Variants in ZYG11B observed in about 807,000 individuals in gnomAD.
The protein encoded by ZYG11B is protein zyg-11 homolog B.
A neutral mutation model predicts 82.4 loss-of-function variants in ZYG11B; 36 were observed. The observed-to-expected ratio is 0.44, with a 90% CI of 0.33 to 0.58. ZYG11B has a LOEUF of 0.58. Among genes scored for constraint, ZYG11B ranks in the 20% least tolerant of loss-of-function variants. The pLI is 0.02. For synonymous variants in ZYG11B, 303 were observed against 312.8 expected, an observed-to-expected ratio of 0.97 and a Z score of 0.33; for missense variants, 552 against 895.6, an observed-to-expected ratio of 0.62 and a Z score of 4.90.
intron 8 of ZYG11B, among the ~76,000 whole-genome samples, chr1:52,797,201 T>TATATAAA (rs1246695363): frequency 1.8e-4 from 15 of 82,634 alleles, no homozygotes; most frequent in African/African-American, 7.7e-4. Context: ...ATATAAATTA[T>TATATAAA]TTATATATAA....
chr1:52,796,792 T>A lies in ZYG11B; in HGVS notation c.1485+8T>A. ...GAGCTCTTCATTGTCAGGGTAAGTCTATAATCTCCTCCATTCAGGCCACTA... is the reference window on the plus strand; with the variant it reads ...GAGCTCTTCATTGTCAGGGTAAGTCAATAATCTCCTCCATTCAGGCCACTA... On this transcript the variant is annotated splice_region_variant and intron_variant, in intron 8 of 13. Coordinates refer to ENST00000294353, the MANE Select transcript of ZYG11B (RefSeq NM_024646.3). 6.5e-7 allele frequency: 1 copy of A among 1,531,894 alleles called. No individual in the cohort carries two copies. The highest frequency in any genetic ancestry group is 8.8e-7 in the Non-Finnish European group (1 of 1,141,568). 94.9% of individuals were successfully genotyped at this position (1,531,894 alleles called of 1,614,324 possible). A position where few individuals can be genotyped will look rare whatever the true frequency, so the allele number is the denominator to read the frequency against.
chr1:52,787,512 C>T (rs577960245), intron 5 of ZYG11B, among the ~76,000 whole-genome samples: 3 of 152,292 alleles, frequency 2.0e-5, no homozygotes, highest in African/African-American at 7.2e-5. Flanking sequence ...TTTTCTGAAA[C>T]TGAGTGGTAG....
chr1:52,764,210 G>A (rs1438106533), intron 2 of ZYG11B, among the ~76,000 whole-genome samples: 2 of 151,882 alleles, frequency 1.3e-5, no homozygotes, highest in Admixed American at 6.6e-5. Flanking sequence ...TGCAACCTCC[G>A]CCTCCCAGGT....
chr1:52,815,716 C>T (rs994638885), intron 12 of ZYG11B, among the ~76,000 whole-genome samples: 1 of 152,060 alleles, frequency 6.6e-6, no homozygotes. Context: ...GGGCAGATCA[C>T]GAGGTCAGGA....
At chr1:52,768,295 A>G (rs921700564) in intron 2 of ZYG11B, among the ~76,000 whole-genome samples, 4 of 152,124 alleles carry the variant, frequency 2.6e-5, no homozygotes, top group African/African-American at 7.2e-5. Context: ...TGACCAGAAA[A>G]AAACCAGGAA....
chr1:52,755,826 G>A (rs990669752), intron 1 of ZYG11B, among the ~76,000 whole-genome samples: 1 of 151,824 alleles, frequency 6.6e-6, no homozygotes, highest in Non-Finnish European at 1.5e-5. Context: ...TTGAGACAGA[G>A]CCTCACTCTA....
At chr1:52,760,477 C>T (rs1005946234) in intron 2 of ZYG11B, among the ~76,000 whole-genome samples, 2 of 151,956 alleles carry the variant, frequency 1.3e-5, no homozygotes, top group African/African-American at 4.8e-5. Context: ...AAACAAAAAA[C>T]TGGTAATATC....
At chr1:52,773,070 T>G (rs1644769523) in intron 3 of ZYG11B, among the ~76,000 whole-genome samples, 2 of 152,282 alleles carry the variant, frequency 1.3e-5, no homozygotes, top group South Asian at 4.1e-4. Flanking sequence ...TCTAAGGAGA[T>G]CTCTACTGTA....
In ZYG11B at chr1:52,823,224, C is replaced by CAGG. The variant is rs1184446462; in HGVS notation, c.*1600_*1602dup. The CAGG allele has an allele frequency of 6.6e-6, 1 of 151,600 alleles. No individual in the cohort carries two copies. The highest frequency in any genetic ancestry group is 1.5e-5 in the Non-Finnish European group (1 of 67,980). The allele number at this position is 151,600 out of a possible 1,614,324, so 9.4% of individuals were successfully genotyped here. A position where few individuals can be genotyped will look rare whatever the true frequency, so the allele number is the denominator to read the frequency against. The stretch of plus-strand genomic sequence containing the variant: ...ATCCCAGCACTTTGGGAAGCTGAAG[C>CAGG]AGGAGGATTGCTTGAGCCCAGAAGT... On this transcript the variant is annotated 3_prime_UTR_variant, in exon 14 of 14. Coordinates refer to ENST00000294353, the MANE Select transcript of ZYG11B (RefSeq NM_024646.3).
chr1:52,796,891 AATATATAATT>A (rs1341878938), intron 8 of ZYG11B, 107 bp downstream of exon 8: 1 of 111,254 alleles, frequency 9.0e-6, no homozygotes, highest in African/African-American at 5.5e-5. Flanking sequence ...AATTATATAT[AATATATAATT>A]ATATATATAT....
chr1:52,817,767 ATATATATGTG>A (rs1295516092), intron 13 of ZYG11B, among the ~76,000 whole-genome samples: 23 of 40,472 alleles, frequency 5.7e-4, no homozygotes, highest in African/African-American at 4.1e-3. Flanking sequence ...TAAAGTGTGT[ATATATATGTG>A]TATATATATA....
intron 13 of ZYG11B, among the ~76,000 whole-genome samples, chr1:52,820,895 G>A: frequency 6.6e-6 from 1 of 151,822 alleles, no homozygotes; most frequent in East Asian, 1.9e-4. Flanking sequence ...GAGGGCAGGA[G>A]TTTGAGACCA....
chr1:52,803,872 T>G (rs1204481120), intron 10 of ZYG11B, among the ~76,000 whole-genome samples: 1 of 152,212 alleles, frequency 6.6e-6, no homozygotes, highest in African/African-American at 2.4e-5. Context: ...CCCAAAGTGC[T>G]GGGATTACAG....
chr1:52,818,136 C>A (rs1303821119), intron 13 of ZYG11B, among the ~76,000 whole-genome samples: 1 of 151,602 alleles, frequency 6.6e-6, no homozygotes, highest in Non-Finnish European at 1.5e-5. Flanking sequence ...CTGTGCCTGG[C>A]CTACTTTTAG....
At chr1:52,816,780 CTTTTTTTT>C in intron 13 of ZYG11B, 151 bp downstream of exon 13, 46 of 259,934 alleles carry the variant, frequency 1.8e-4, no homozygotes, top group East Asian at 5.5e-4. Flanking sequence ...TTAAGGTATT[CTTTTTTTT>C]TTTTTTTTTT....
At position 52,812,337 on chromosome 1, in the gene ZYG11B, A is replaced by C. The variant is rs546637145; in HGVS notation, c.1696-1199A>C. Among the ~76,000 whole-genome samples, 20 of 152,114 alleles carry C rather than the reference A, an allele frequency of 1.3e-4. 1 individual carries two copies. Among genetic ancestry groups the C allele is most frequent in the African/African-American group, 4.8e-4 (20 of 41,522 alleles). ...AGTCTTATACTTTGTTCTTGCATGC[A>C]GTTACTTGCAGATCAAGTTGCTCTT... is the stretch of plus-strand genomic sequence containing the variant. On this transcript the variant is annotated intron_variant, in intron 10 of 13. Coordinates refer to ENST00000294353, the MANE Select transcript of ZYG11B (RefSeq NM_024646.3).
In ZYG11B at chr1:52,771,814, A is replaced by G. The variant is rs779446441; in HGVS notation, c.951+40A>G. On this transcript the variant is annotated intron_variant, in intron 3 of 13. Transcript: ENST00000294353. This position sits in a 1 kb window ranked among gnomAD's most constrained non-coding sequence, Gnocchi z 5.4. ...ATGTATTATTTTGTCAGGCTGACCA[A>G]TATCTTAGTTGCATAAGACTCTATT... The G allele has an allele frequency of 1.3e-6, 2 of 1,566,598 alleles. No homozygotes were observed. The highest frequency in any genetic ancestry group is 1.7e-6 in the Non-Finnish European group (2 of 1,158,214).
At chr1:52,770,093 T>TA (rs386366954) in intron 2 of ZYG11B, among the ~76,000 whole-genome samples, 19,155 of 54,946 alleles carry the variant, frequency 0.35, 1,661 homozygotes, top group Non-Finnish European at 0.44. Flanking sequence ...TATATATATA[T>TA]TTTTTTTTTT....
intron 10 of ZYG11B, among the ~76,000 whole-genome samples, chr1:52,812,753 A>G (rs939076436): frequency 6.8e-6 from 1 of 146,196 alleles, no homozygotes; most frequent in African/African-American, 2.5e-5. Flanking sequence ...TTGAGATGGC[A>G]TCTCACTCTG....
Sources: gnomAD v4.1 joint callset for allele counts (sites outside exome capture counted in the v4.1 genomes callset) on GRCh38, gnomAD v4.1.1 for gene constraint, Gnocchi (gnomAD v3.1) non-coding constraint, MANE v1.5 for transcripts, NCBI Gene and HGNC (gene_info 2026-07-23, HGNC 2026-07-21) for gene names.